The following CENPE variants were observed in gnomAD, a reference collection of about 807,000 sequenced individuals.
CENPE encodes centromere protein E, also known as centromere-associated protein E.
Under a neutral mutation model 336.1 loss-of-function variants are expected in CENPE, and 145 were observed. The observed-to-expected ratio is 0.43, with a 90% CI of 0.38 to 0.50. The LOEUF is 0.50. Among genes scored for constraint, CENPE ranks in the 20% least tolerant of loss-of-function variants. The pLI, the probability that CENPE is intolerant of heterozygous loss-of-function variation, is 0.00. For missense variants in CENPE, 2,719 were observed against 3,023.3 expected, an observed-to-expected ratio of 0.90 and a Z score of 2.36; for synonymous variants, 1,013 against 984.8, an observed-to-expected ratio of 1.03 and a Z score of -0.54.
At chr4:103,106,377 A>G (rs1347197529) in intron 48 of CENPE, 61 bp from the exon 49 acceptor site, 13 of 1,312,634 alleles carry the variant, frequency 9.9e-6, no homozygotes, top group Non-Finnish European at 1.1e-5. Context: ...AACCAAGCAC[A>G]GCTGGAAGTG....
intron 7 of CENPE, 25 bp downstream of exon 7, chr4:103,194,349 C>G (rs1278566857): frequency 7.5e-6 from 12 of 1,608,190 alleles, no homozygotes; most frequent in Non-Finnish European, 9.4e-6. Flanking sequence ...TTGGAAAGAT[C>G]TAACAGATAG....
chr4:103,164,329 T>C (rs896189785), intron 16 of CENPE, among the ~76,000 whole-genome samples: 2 of 152,130 alleles, frequency 1.3e-5, no homozygotes, highest in Admixed American at 1.3e-4. Context: ...AATTATTTAA[T>C]CTTCATAATC....
In CENPE at chr4:103,120,324, C is replaced by G; in HGVS notation, c.7153G>C (p.Glu2385Gln). 1.2e-6 allele frequency: 2 copies of G among 1,605,618 alleles called. No individual in the cohort carries two copies. Among genetic ancestry groups the G allele is most frequent in the South Asian group, 2.3e-5 (2 of 88,496 alleles). ...GCTTCATGCAGTGAATTTTCCAGCT[C>G]TCGAATTTTCTATTAGAAAAAGCAC... ...ATQLTTEKIR[E>Q]LENSLHEAKE... is the part of the protein sequence containing the mutation. Residue 2385 changes from glutamate to glutamine, a missense_variant, in exon 44 of 49, where the codon GAG (glutamate) becomes CAG (glutamine). Glu to Gln is a conservative substitution (Grantham distance 29). Transcript: ENST00000265148.
At chr4:103,115,891 G>A (rs1052967911) in intron 45 of CENPE, among the ~76,000 whole-genome samples, 4 of 151,810 alleles carry the variant, frequency 2.6e-5, no homozygotes, top group African/African-American at 4.8e-5. Flanking sequence ...CCACCATGCC[G>A]GCTAATTTTT....
At chr4:103,157,059 C>CAAAA (rs34199706) in intron 24 of CENPE, among the ~76,000 whole-genome samples, 23 of 97,932 alleles carry the variant, frequency 2.3e-4, no homozygotes, top group East Asian at 3.3e-4. Flanking sequence ...TGGCTACTAT[C>CAAAA]AAAAAAAAAA....
intron 8 of CENPE, among the ~76,000 whole-genome samples, chr4:103,186,847 T>A: frequency 6.6e-6 from 1 of 152,162 alleles, no homozygotes; most frequent in Admixed American, 6.6e-5. Context: ...AAGAGGAAGC[T>A]GGTCCCAAAA....
chr4:103,170,976 G>A (rs1336708838), intron 16 of CENPE, among the ~76,000 whole-genome samples: 1 of 152,138 alleles, frequency 6.6e-6, no homozygotes, highest in Admixed American at 6.6e-5. Flanking sequence ...AACTCAGCAA[G>A]AGGTTGTAAC....
At chr4:103,167,907 G>T (rs945646508) in intron 16 of CENPE, among the ~76,000 whole-genome samples, 4 of 152,138 alleles carry the variant, frequency 2.6e-5, no homozygotes, top group African/African-American at 9.6e-5. Context: ...GTCGACATTG[G>T]TCTTGGCAGT....
At chr4:103,114,698 C>G in intron 45 of CENPE, 146 bp from the exon 46 acceptor site, 1 of 614,360 alleles carries the variant, frequency 1.6e-6, no homozygotes, top group Non-Finnish European at 2.9e-6. Flanking sequence ...TGATACCTCT[C>G]TGGTGCCATG....
rs138064215 is a variant in CENPE at position 103,148,882 on chromosome 4, G to C, written c.3805C>G (p.Gln1269Glu). 6.6e-5 allele frequency: 106 copies of C among 1,613,276 alleles called. No individual in the cohort carries two copies. The highest frequency in any genetic ancestry group is 8.8e-5 in the Non-Finnish European group (104 of 1,179,570). The change falls in exon 28 of 49, where the codon CAG becomes GAG. Residue 1269 changes from glutamine (Q) to glutamate (E), a missense_variant. Physicochemically the swap from Gln to Glu is conservative, Grantham distance 29. Coordinates refer to ENST00000265148, the MANE Select transcript of CENPE (RefSeq NM_001813.3). ...SEKTAQIINT[Q>E]DLEKSHTKLQ... is the part of the protein sequence containing the mutation. ...TTGGTATGGGATTTTTCTAAGTCCT[G>C]AGTATTTATTATTTGAGCTGTCTTC... is the stretch of plus-strand genomic sequence containing the variant.
intron 13 of CENPE, among the ~76,000 whole-genome samples, chr4:103,179,707 A>T (rs989271419): frequency 1.3e-5 from 2 of 152,240 alleles, no homozygotes; most frequent in Non-Finnish European, 2.9e-5. Flanking sequence ...AGGAAAAAGC[A>T]GCAAAGTGAA....
In CENPE at chr4:103,145,558, G is replaced by T. The variant is rs750821055; in HGVS notation, c.4537C>A (p.Gln1513Lys). ...AATTTATCATTGATTGCTTCTAACT[G>T]CTTTTGAATGGTTGATATTTCAGTT... ...KETEISTIQK[Q>K]LEAINDKLQN... The change falls in exon 31 of 49, where the codon CAG becomes AAG. Residue 1513 changes from glutamine to lysine, a missense_variant. Transcript: ENST00000265148. 3 of 1,607,952 alleles carry T rather than the reference G, an allele frequency of 1.9e-6. No individual in the cohort carries two copies. Among genetic ancestry groups the T allele is most frequent in the Non-Finnish European group, 2.5e-6 (3 of 1,177,688 alleles).
chr4:103,162,542 T>C (rs1328312748), intron 18 of CENPE, among the ~76,000 whole-genome samples: 1 of 151,350 alleles, frequency 6.6e-6, no homozygotes, highest in African/African-American at 2.4e-5. Flanking sequence ...ATAAAACTAC[T>C]GAAAAAAATT....
chr4:103,187,099 A>G (rs902154443), intron 8 of CENPE, among the ~76,000 whole-genome samples: 1 of 152,170 alleles, frequency 6.6e-6, no homozygotes, highest in African/African-American at 2.4e-5. Context: ...GCTTTATGCA[A>G]GGGAGTAATA....
At chr4:103,133,235 A>G (rs1374048404) in intron 41 of CENPE, among the ~76,000 whole-genome samples, 1 of 151,930 alleles carries the variant, frequency 6.6e-6, no homozygotes, top group African/African-American at 2.4e-5. Flanking sequence ...ATTTTTTGAG[A>G]TGGTCTCACT....
intron 4 of CENPE, among the ~76,000 whole-genome samples, chr4:103,195,463 C>T (rs553786340): frequency 2.0e-4 from 30 of 152,150 alleles, no homozygotes; most frequent in South Asian, 1.2e-3. Flanking sequence ...GGCTCAAACT[C>T]TAGGCTCAAA....
chr4:103,158,218 G>C, intron 24 of CENPE, 82 bp downstream of exon 24: 2 of 1,012,860 alleles, frequency 2.0e-6, no homozygotes, highest in African/African-American at 3.3e-5. Context: ...AAATGAAATT[G>C]AGAATATTAT....
intron 46 of CENPE, among the ~76,000 whole-genome samples, chr4:103,112,187 TC>T (rs1749503997): frequency 6.7e-6 from 1 of 149,748 alleles, no homozygotes. Context: ...CTTATATGTA[TC>T]CTGTAACATA....
In CENPE at chr4:103,148,897, G is replaced by C. The variant is rs372142636; in HGVS notation, c.3790C>G (p.Gln1264Glu). 1 of 1,613,386 alleles carries C rather than the reference G, an allele frequency of 6.2e-7. No individual in the cohort carries two copies. Among genetic ancestry groups the C allele is most frequent in the African/African-American group, 1.3e-5 (1 of 74,876 alleles). The change falls in exon 28 of 49, where the codon CAA (glutamine) becomes GAA (glutamate). Residue 1264 changes from glutamine (Q) to glutamate (E), a missense_variant. By Grantham distance (29) the Gln-to-Glu change is conservative. Coordinates refer to ENST00000265148, the MANE Select transcript of CENPE (RefSeq NM_001813.3). ...LRRSVSEKTAQIINTQDLEKS... is the reference protein window; with the variant it reads ...LRRSVSEKTAEIINTQDLEKS... ...TCTAAGTCCTGAGTATTTATTATTT[G>C]AGCTGTCTTCTCAGATACGCTTCTT...
Sources: gnomAD v4.1 joint callset for allele counts (sites outside exome capture counted in the v4.1 genomes callset) on GRCh38, gnomAD v4.1.1 for gene constraint, MANE v1.5 for transcripts, NCBI Gene and HGNC (gene_info 2026-07-23, HGNC 2026-07-21) for gene names.